FAM210A: variants seen among roughly 807,000 people sequenced by gnomAD.
FAM210A encodes the protein family with sequence similarity 210 member A.
A neutral mutation model predicts 25.3 loss-of-function variants in FAM210A; 13 were observed. The observed-to-expected ratio is 0.51, with a 90% confidence interval of 0.33 to 0.82. The LOEUF is 0.82. Among genes scored for constraint, FAM210A ranks in the 40% least tolerant of loss-of-function variants. The pLI, the probability that FAM210A is intolerant of heterozygous loss-of-function variation, is 0.02. For synonymous variants in FAM210A, 125 were observed against 118.7 expected (o/e 1.05, Z -0.35); for missense variants, 319 against 323.2 (o/e 0.99, Z 0.10).
intron 1 of FAM210A, among the ~76,000 whole-genome samples, chr18:13,722,311 C>T (rs2043903592): frequency 6.6e-6 from 1 of 151,442 alleles, no homozygotes; most frequent in African/African-American, 2.4e-5. Context: ...TAGATCCAAC[C>T]ATCCCTGCTG....
chr18:13,692,961 T>A (rs1008653137), intron 1 of FAM210A, among the ~76,000 whole-genome samples: 3 of 152,182 alleles, frequency 2.0e-5, no homozygotes, highest in African/African-American at 7.2e-5. Flanking sequence ...ATCCAGGAGC[T>A]GGTTTTTTGG....
intron 1 of FAM210A, among the ~76,000 whole-genome samples, chr18:13,721,099 A>C (rs1407012761): frequency 3.3e-5 from 5 of 152,166 alleles, no homozygotes; most frequent in African/African-American, 1.2e-4. Flanking sequence ...AGGGCTAGGA[A>C]TCCAATACAT....
intron 1 of FAM210A, among the ~76,000 whole-genome samples, chr18:13,686,712 C>A (rs983990652): frequency 1.3e-5 from 2 of 152,118 alleles, no homozygotes; most frequent in African/African-American, 4.8e-5. Flanking sequence ...AAAACCCACA[C>A]AAGGAGAAAT....
chr18:13,703,865 A>G (rs935281220), intron 1 of FAM210A, among the ~76,000 whole-genome samples: 3 of 152,268 alleles, frequency 2.0e-5, no homozygotes, highest in Non-Finnish European at 2.9e-5. Flanking sequence ...TGGTAAAATA[A>G]AAACATTTGG....
chr18:13,725,036 G>C (rs980324983), intron 1 of FAM210A, among the ~76,000 whole-genome samples: 1 of 152,138 alleles, frequency 6.6e-6, no homozygotes, highest in Non-Finnish European at 1.5e-5. Context: ...CCTCCCAACG[G>C]CTGGGATTAC....
chr18:13,712,095 G>C (rs1568488724), intron 1 of FAM210A, among the ~76,000 whole-genome samples: 1 of 152,170 alleles, frequency 6.6e-6, no homozygotes, highest in Non-Finnish European at 1.5e-5. Context: ...AGATTCAAAA[G>C]AGATCTTAGG....
chr18:13,673,882 T>TC (rs62738361), intron 2 of FAM210A, among the ~76,000 whole-genome samples: 60,930 of 61,820 alleles, frequency 0.99, 30,064 homozygotes, highest in African/African-American at 0.99. Context: ...ATTTCCAGTT[T>TC]CTGATTATTA....
At chr18:13,689,940 C>A (rs1325139019) in intron 1 of FAM210A, among the ~76,000 whole-genome samples, 2 of 152,046 alleles carry the variant, frequency 1.3e-5, no homozygotes, top group African/African-American at 4.8e-5. Context: ...TGGGTGCAGC[C>A]CACGGAACAG....
Position 13,666,439 on chromosome 18 carries a change from G to T in FAM210A, c.*41C>A. The stretch of plus-strand genomic sequence containing the variant: ...TATCTTTGCCCATAGTTTCCAAAGG[G>T]TTAAAGTGCAGGAATTTTCTATACT... On this transcript the variant is annotated 3_prime_UTR_variant, in exon 4 of 4. Transcript: ENST00000651643. 1 of 1,524,476 alleles carries T rather than the reference G, an allele frequency of 6.6e-7. No individual in the cohort carries two copies. Among genetic ancestry groups the T allele is most frequent in the Non-Finnish European group, 9.0e-7 (1 of 1,108,778 alleles). 94.4% of individuals were successfully genotyped at this position (1,524,476 alleles called of 1,614,324 possible).
chr18:13,690,907 T>C (rs527282515), intron 1 of FAM210A, among the ~76,000 whole-genome samples: 7 of 152,236 alleles, frequency 4.6e-5, no homozygotes, highest in African/African-American at 1.7e-4. Flanking sequence ...GAGAATGACT[T>C]TGACAAGTTG....
intron 1 of FAM210A, among the ~76,000 whole-genome samples, chr18:13,725,844 T>C (rs2043939775): frequency 6.6e-6 from 1 of 152,154 alleles, no homozygotes; most frequent in Non-Finnish European, 1.5e-5. Context: ...CCTTAGGTAT[T>C]TGTCAAGAAG....
chr18:13,672,696 C>T (rs768185756), intron 2 of FAM210A, among the ~76,000 whole-genome samples: 1 of 152,234 alleles, frequency 6.6e-6, no homozygotes, highest in Non-Finnish European at 1.5e-5. Context: ...GCATGAGCCA[C>T]AGTGCCCAGC....
rs192821137 is a variant in FAM210A, at chr18:13,677,210, G to A, written c.473+4395C>T. On this transcript the variant is annotated intron_variant, in intron 2 of 3. Coordinates refer to ENST00000651643, the MANE Select transcript of FAM210A (RefSeq NM_152352.4). ...CTGCCTCAGCCTCCCGAGTAGCTGG[G>A]ACTACAGGTGCCCGCCACCACGCCC... 7.9e-3 allele frequency among the ~76,000 whole-genome samples: 1,196 copies of A among 152,150 alleles called. 20 individuals are homozygous for A. Among genetic ancestry groups the A allele is most frequent in the African/African-American group, 0.028 (1,153 of 41,502 alleles).
chr18:13,688,468 T>C (rs1211936316), intron 1 of FAM210A, among the ~76,000 whole-genome samples: 2 of 152,048 alleles, frequency 1.3e-5, no homozygotes, highest in Admixed American at 1.3e-4. Context: ...AGGCAATTAA[T>C]TTCAGGCTGC....
At chr18:13,686,225 C>A (rs2149058743) in intron 1 of FAM210A, among the ~76,000 whole-genome samples, 1 of 152,230 alleles carries the variant, frequency 6.6e-6, no homozygotes, top group South Asian at 2.1e-4. Context: ...GAATTCAAGT[C>A]TTTTTAACCA....
intron 3 of FAM210A, 108 bp downstream of exon 3, chr18:13,671,754 G>A (rs563017268): frequency 6.9e-5 from 45 of 647,970 alleles, no homozygotes; most frequent in African/African-American, 6.1e-4. Context: ...GAAATACAGC[G>A]TTTCAAGTTA....
chr18:13,694,495 CATGGTACTGGTACCAAAACAGA>C (rs2043675929), intron 1 of FAM210A, among the ~76,000 whole-genome samples: 1 of 152,230 alleles, frequency 6.6e-6, no homozygotes, highest in African/African-American at 2.4e-5. Flanking sequence ...ACCAAAACAG[CATGGTACTGGTACCAAAACAGA>C]GATATTGACC....
At chr18:13,697,096 C>T (rs2043700739) in intron 1 of FAM210A, among the ~76,000 whole-genome samples, 1 of 152,184 alleles carries the variant, frequency 6.6e-6, no homozygotes. Flanking sequence ...GGCCTAGGAA[C>T]AATAGGCTGT....
chr18:13,699,560 A>T (rs183239847), intron 1 of FAM210A, among the ~76,000 whole-genome samples: 1,874 of 152,254 alleles, frequency 0.012, 43 homozygotes, highest in African/African-American at 0.04. Flanking sequence ...TTTTCAGAGG[A>T]TCTAAGCCAT....
Sources: gnomAD v4.1 joint callset for allele counts (sites outside exome capture counted in the v4.1 genomes callset) on GRCh38, gnomAD v4.1.1 for gene constraint, MANE v1.5 for transcripts, NCBI Gene and HGNC (gene_info 2026-07-23, HGNC 2026-07-21) for gene names.